The following RBFOX1 variants were observed in gnomAD, a reference collection of about 807,000 sequenced individuals.
RBFOX1 encodes RNA binding fox-1 homolog 1, also known as RNA binding protein fox-1 homolog 1.
Under a neutral mutation model 57.7 loss-of-function variants are expected in RBFOX1, and 8 were observed. The ratio of observed to expected loss-of-function variants is 0.14; its 90% CI spans 0.08 to 0.25. The LOEUF (loss-of-function observed/expected upper bound fraction) is 0.25, where lower values mean the gene tolerates loss of function less well. RBFOX1 is among the 10% of genes least tolerant of loss of function. RBFOX1 has a pLI of 1.00. For synonymous variants in RBFOX1, 326 were observed against 222.4 expected (o/e 1.47, Z -4.15); for missense variants, 611 against 548.5 (o/e 1.11, Z -1.14).
rs183595578 is a variant in RBFOX1, at chr16:7,054,127, C to T, written c.27+2029C>T. ...TCTCTTTCTTCTTCCTTTCCTCCCT[C>T]CCTCTTTTCCTTTCACACCTGTGTC... is the stretch of plus-strand genomic sequence containing the variant. On this transcript the variant is annotated intron_variant, in intron 4 of 15. Transcript: ENST00000550418. Among the ~76,000 whole-genome samples, 12 of 144,148 alleles carry T rather than the reference C, an allele frequency of 8.3e-5. No individual in the cohort carries two copies. The East Asian group carries it at 2.5e-3, about 30-fold the overall frequency. The allele number at this position is 144,148 out of a possible 152,430, so 94.6% of individuals were successfully genotyped here.
chr16:7,110,082 G>A (rs2064388779), intron 4 of RBFOX1, among the ~76,000 whole-genome samples: 1 of 151,770 alleles, frequency 6.6e-6, no homozygotes, highest in Non-Finnish European at 1.5e-5. Context: ...CTGTGTGGTG[G>A]CTCAGGCATG....
At chr16:7,247,930 C>T (rs1335280146) in intron 4 of RBFOX1, among the ~76,000 whole-genome samples, 1 of 152,126 alleles carries the variant, frequency 6.6e-6, no homozygotes, top group Non-Finnish European at 1.5e-5. Flanking sequence ...GGAAAAATAA[C>T]TAATGAGTAC....
At chr16:5,318,062 G>A (rs909717175) in intron 1 of RBFOX1, among the ~76,000 whole-genome samples, 2 of 152,162 alleles carry the variant, frequency 1.3e-5, no homozygotes, top group Non-Finnish European at 2.9e-5. Context: ...AAGAGTGGAT[G>A]TCTGTAGGTT....
intron 11 of RBFOX1, among the ~76,000 whole-genome samples, chr16:7,631,889 A>G (rs565182568): frequency 6.6e-6 from 1 of 152,282 alleles, no homozygotes; most frequent in South Asian, 2.1e-4. Context: ...AGTCTTCAGG[A>G]GGTCTGACAG....
intron 2 of RBFOX1, among the ~76,000 whole-genome samples, chr16:5,517,052 A>C (rs1266381303): frequency 6.6e-6 from 1 of 151,132 alleles, no homozygotes; most frequent in Non-Finnish European, 1.5e-5. Flanking sequence ...ATACAGGTTC[A>C]TAAAAATAAC....
At chr16:5,657,469 T>G (rs1288707685) in intron 3 of RBFOX1, among the ~76,000 whole-genome samples, 2 of 152,120 alleles carry the variant, frequency 1.3e-5, no homozygotes, top group Admixed American at 1.3e-4. Flanking sequence ...GGAATAAGAA[T>G]GCAAGGCCTG....
intron 3 of RBFOX1, among the ~76,000 whole-genome samples, chr16:6,893,855 A>T (rs377106214): frequency 6.6e-6 from 1 of 152,176 alleles, no homozygotes; most frequent in Non-Finnish European, 1.5e-5. Flanking sequence ...AATGGAATGA[A>T]TTGTATGGGG....
intron 4 of RBFOX1, among the ~76,000 whole-genome samples, chr16:7,420,490 C>A (rs2098529859): frequency 1.3e-5 from 2 of 152,176 alleles, no homozygotes; most frequent in South Asian, 4.2e-4. Context: ...TAAATCGATA[C>A]ATCTCTTGTC....
intron 2 of RBFOX1, among the ~76,000 whole-genome samples, chr16:5,569,467 T>TTTTTC (rs1567240836): frequency 1.2e-5 from 1 of 83,428 alleles, no homozygotes; most frequent in South Asian, 4.2e-4. Flanking sequence ...TTTTTTTTTT[T>TTTTTC]CTTCTTCTTT....
At chr16:5,597,727 C>G (rs1002557150) in intron 2 of RBFOX1, among the ~76,000 whole-genome samples, 3 of 152,102 alleles carry the variant, frequency 2.0e-5, no homozygotes, top group Non-Finnish European at 1.5e-5. Context: ...GAGCAGTTCC[C>G]TAGAGTTGAT....
intron 11 of RBFOX1, among the ~76,000 whole-genome samples, chr16:7,650,881 A>G (rs1015548074): frequency 6.6e-6 from 1 of 152,156 alleles, no homozygotes; most frequent in African/African-American, 2.4e-5. Flanking sequence ...CCAGTCCTGA[A>G]GCAAGCGTCT....
chr16:5,739,609 A>G (rs143760605), intron 3 of RBFOX1, among the ~76,000 whole-genome samples: 34 of 152,344 alleles, frequency 2.2e-4, no homozygotes, highest in African/African-American at 7.5e-4. Flanking sequence ...AAATTGAGGT[A>G]TTTTGCAGCA....
intron 2 of RBFOX1, among the ~76,000 whole-genome samples, chr16:6,641,285 C>G (rs1602395509): frequency 6.6e-6 from 1 of 152,246 alleles, no homozygotes; most frequent in East Asian, 1.9e-4. Context: ...TTTCAAGGAC[C>G]TAGAGGACAG....
rs142103381 is a variant in RBFOX1 at position 6,808,640 on chromosome 16, T to G, written c.-16+153990T>G. Among the ~76,000 whole-genome samples the G allele has an allele frequency of 7.0e-4, 106 of 152,254 alleles. 1 individual carries two copies. Among genetic ancestry groups the G allele is most frequent in the African/African-American group, 2.3e-3 (95 of 41,532 alleles). Reference sequence around the variant, plus strand: ...ATGTAAATTTTGAATAGATAATAGATTAATATGAATCTTATTTTACCAGGC... The same window carrying G: ...ATGTAAATTTTGAATAGATAATAGAGTAATATGAATCTTATTTTACCAGGC... On this transcript the variant is annotated intron_variant, in intron 3 of 15. Coordinates refer to ENST00000550418, the MANE Select transcript of RBFOX1 (RefSeq NM_018723.4).
intron 1 of RBFOX1, among the ~76,000 whole-genome samples, chr16:5,349,596 C>T (rs1040726352): frequency 6.8e-5 from 6 of 87,872 alleles, no homozygotes; most frequent in African/African-American, 2.8e-4. Flanking sequence ...TCGCTTGAAA[C>T]AGGGAGGCGG....
At chr16:7,293,240 T>A (rs79915682) in intron 4 of RBFOX1, among the ~76,000 whole-genome samples, 3,556 of 152,246 alleles carry the variant, frequency 0.023, 109 homozygotes, top group East Asian at 0.13. Flanking sequence ...AACAATGCAT[T>A]GAAACAACTA....
At chr16:7,442,306 C>A (rs991117617) in intron 4 of RBFOX1, among the ~76,000 whole-genome samples, 1 of 152,166 alleles carries the variant, frequency 6.6e-6, no homozygotes, top group East Asian at 1.9e-4. Context: ...CTGCCTTCTC[C>A]AGCAGCAGTC....
intron 14 of RBFOX1, among the ~76,000 whole-genome samples, chr16:7,708,416 G>A (rs1485102908): frequency 6.6e-6 from 1 of 152,144 alleles, no homozygotes; most frequent in East Asian, 1.9e-4. Context: ...TGTTTCAAAT[G>A]CCTCCCCCTT....
At chr16:6,869,188 C>G (rs34860942) in intron 3 of RBFOX1, among the ~76,000 whole-genome samples, 10,987 of 152,256 alleles carry the variant, frequency 0.072, 477 homozygotes, top group South Asian at 0.16. Context: ...GCACGCTCAT[C>G]TCTTCCTTCC....
Sources: gnomAD v4.1 joint callset for allele counts (sites outside exome capture counted in the v4.1 genomes callset) on GRCh38, gnomAD v4.1.1 for gene constraint, MANE v1.5 for transcripts, NCBI Gene and HGNC (gene_info 2026-07-23, HGNC 2026-07-21) for gene names.